The following SGCZ variants were observed in gnomAD, a reference collection of about 807,000 sequenced individuals.
The protein encoded by SGCZ is zeta-sarcoglycan.
In SGCZ, 40 loss-of-function variants were observed where a neutral mutation model predicts 41.3. The observed-to-expected ratio is 0.97, with a 90% CI of 0.75 to 1.26. The LOEUF (loss-of-function observed/expected upper bound fraction) is 1.26. Among genes scored for constraint, SGCZ ranks in the 50% most tolerant of loss-of-function variants. The pLI is 0.00. For missense variants in SGCZ, 552 were observed against 369.8 expected (o/e 1.49, Z -4.04); for synonymous variants, 206 against 137.5 (o/e 1.50, Z -3.49).
intron 1 of SGCZ, among the ~76,000 whole-genome samples, chr8:15,009,492 T>G (rs1057352009): frequency 2.0e-5 from 3 of 152,188 alleles, no homozygotes; most frequent in Non-Finnish European, 1.5e-5. Context: ...TAAGAAGGTT[T>G]AGACAGAGCC....
intron 2 of SGCZ, among the ~76,000 whole-genome samples, chr8:14,444,669 G>T (rs1377279906): frequency 1.4e-5 from 2 of 138,910 alleles, no homozygotes; most frequent in South Asian, 2.3e-4. Context: ...TTGTGGGGTG[G>T]GGGGATGGGG....
At chr8:14,735,556 T>C (rs1799004051) in intron 1 of SGCZ, among the ~76,000 whole-genome samples, 1 of 152,182 alleles carries the variant, frequency 6.6e-6, no homozygotes, top group African/African-American at 2.4e-5. Context: ...GACTGATGCC[T>C]GCACTATTGG....
intron 4 of SGCZ, chr8:14,164,928 C>G (rs1272375521): frequency 2.1e-6 from 1 of 470,944 alleles, no homozygotes. Flanking sequence ...CTCTGGATGT[C>G]TGACATAGCA....
intron 4 of SGCZ, among the ~76,000 whole-genome samples, chr8:14,224,475 G>T (rs981159794): frequency 6.6e-6 from 1 of 152,144 alleles, no homozygotes; most frequent in Non-Finnish European, 1.5e-5. Flanking sequence ...TTCTAGCTGC[G>T]CTGCCCTGGC....
intron 1 of SGCZ, among the ~76,000 whole-genome samples, chr8:15,119,194 T>C (rs1395073151): frequency 6.6e-6 from 1 of 152,160 alleles, no homozygotes; most frequent in Non-Finnish European, 1.5e-5. Context: ...ATCAAAAATA[T>C]TTTTATGATA....
chr8:14,483,682 T>A (rs907700013), intron 2 of SGCZ, among the ~76,000 whole-genome samples: 2 of 152,246 alleles, frequency 1.3e-5, no homozygotes, highest in African/African-American at 4.8e-5. Context: ...ACTATGTGAA[T>A]GATCACATTT....
intron 5 of SGCZ, among the ~76,000 whole-genome samples, chr8:14,119,302 G>C (rs113758362): frequency 0.24 from 36,338 of 151,872 alleles, 4,515 homozygotes; most frequent in Middle Eastern, 0.28. Flanking sequence ...GTATTCCTAG[G>C]TATTTTATTA....
chr8:14,297,262 A>T (rs1209947962), intron 3 of SGCZ, among the ~76,000 whole-genome samples: 1 of 152,144 alleles, frequency 6.6e-6, no homozygotes, highest in Non-Finnish European at 1.5e-5. Flanking sequence ...TTGAGGATAT[A>T]GATATAGAAA....
intron 4 of SGCZ, among the ~76,000 whole-genome samples, chr8:14,213,588 C>G (rs1030180862): frequency 6.6e-6 from 1 of 151,522 alleles, no homozygotes; most frequent in Non-Finnish European, 1.5e-5. Context: ...GCTATTAGCA[C>G]GCTTTAAATT....
intron 1 of SGCZ, among the ~76,000 whole-genome samples, chr8:14,714,831 T>C (rs892183501): frequency 6.6e-6 from 1 of 152,176 alleles, no homozygotes; most frequent in Non-Finnish European, 1.5e-5. Context: ...TTTATAATCC[T>C]CAGAGTCAGA....
intron 5 of SGCZ, among the ~76,000 whole-genome samples, chr8:14,122,354 T>C (rs1802725715): frequency 6.6e-6 from 1 of 152,158 alleles, no homozygotes; most frequent in African/African-American, 2.4e-5. Context: ...TCACTGCCCA[T>C]GAGAGGGCAA....
At chr8:14,492,993 A>G (rs1216342734) in intron 2 of SGCZ, among the ~76,000 whole-genome samples, 1 of 152,112 alleles carries the variant, frequency 6.6e-6, no homozygotes, top group Non-Finnish European at 1.5e-5. Flanking sequence ...CTAACCCCCC[A>G]ACTCTCTAAC....
chr8:14,398,466 GC>G (rs1216450297), intron 2 of SGCZ, among the ~76,000 whole-genome samples: 3 of 152,088 alleles, frequency 2.0e-5, no homozygotes, highest in Non-Finnish European at 4.4e-5. Context: ...AACGTGGCCA[GC>G]CTTTGGCCAA....
chr8:14,623,133 A>C (rs961081702), intron 1 of SGCZ, among the ~76,000 whole-genome samples: 2 of 152,206 alleles, frequency 1.3e-5, no homozygotes, highest in Non-Finnish European at 2.9e-5. Flanking sequence ...ATTACCATGA[A>C]GTATTTTTTA....
intron 1 of SGCZ, among the ~76,000 whole-genome samples, chr8:14,584,128 T>A (rs911120302): frequency 6.6e-6 from 1 of 152,126 alleles, no homozygotes. Flanking sequence ...ATGAAATCAC[T>A]GCTACAAACC....
intron 2 of SGCZ, among the ~76,000 whole-genome samples, chr8:14,421,916 T>A (rs1381046582): frequency 6.6e-6 from 1 of 152,118 alleles, no homozygotes; most frequent in Non-Finnish European, 1.5e-5. Context: ...AGTGGGAAGC[T>A]TATGGGCCAA....
chr8:14,723,868 A>G (rs28654516), intron 1 of SGCZ, among the ~76,000 whole-genome samples: 8,977 of 152,096 alleles, frequency 0.059, 763 homozygotes, highest in African/African-American at 0.19. Flanking sequence ...CAAACATTCT[A>G]TAAATAGAGT....
At chr8:15,048,319 G>A (rs1247057168) in intron 1 of SGCZ, among the ~76,000 whole-genome samples, 1 of 151,966 alleles carries the variant, frequency 6.6e-6, no homozygotes, top group East Asian at 1.9e-4. Context: ...GTTACCAGAG[G>A]CTGGAAAGAA....
intron 1 of SGCZ, among the ~76,000 whole-genome samples, chr8:15,014,614 T>C (rs1266609608): frequency 1.3e-5 from 2 of 152,182 alleles, no homozygotes; most frequent in Non-Finnish European, 2.9e-5. Context: ...CAGGTATCCA[T>C]AGCATTTGGC....
Sources: gnomAD v4.1 joint callset for allele counts (sites outside exome capture counted in the v4.1 genomes callset) on GRCh38, gnomAD v4.1.1 for gene constraint, MANE v1.5 for transcripts, NCBI Gene and HGNC (gene_info 2026-07-23, HGNC 2026-07-21) for gene names.